The following NNMT variants were observed in gnomAD, a reference collection of about 807,000 sequenced individuals.
The protein encoded by NNMT is nicotinamide N-methyltransferase.
A neutral mutation model predicts 11.7 loss-of-function variants in NNMT; 10 were observed. The observed-to-expected ratio is 0.85, with a 90% CI of 0.53 to 1.45. NNMT has a LOEUF of 1.45. NNMT is among the 40% of genes most tolerant of loss of function. The pLI, the probability that NNMT is intolerant of heterozygous loss-of-function variation, is 0.00. For missense variants in NNMT, 381 were observed against 319.4 expected (o/e 1.19, Z -1.47); for synonymous variants, 143 against 133.8 (o/e 1.07, Z -0.48).
At chr11:114,275,330 T>A (rs894202805) in intron 2 of NNMT, among the ~76,000 whole-genome samples, 2 of 152,190 alleles carry the variant, frequency 1.3e-5, no homozygotes, top group African/African-American at 4.8e-5. Context: ...CTCAACAACA[T>A]CTACCAAGCT....
intron 2 of NNMT, among the ~76,000 whole-genome samples, chr11:114,278,460 CT>C (rs1038743941): frequency 6.6e-6 from 1 of 152,132 alleles, no homozygotes; most frequent in Non-Finnish European, 1.5e-5. Flanking sequence ...AGAATGTTCT[CT>C]TTGTACTTAG....
At chr11:114,310,720 G>T (rs1460579397) in intron 2 of NNMT, among the ~76,000 whole-genome samples, 1 of 152,186 alleles carries the variant, frequency 6.6e-6, no homozygotes, top group African/African-American at 2.4e-5. Flanking sequence ...TGCTTTGCTG[G>T]TTAACTCCTT....
At chr11:114,268,378 C>T (rs1299298173) in intron 2 of NNMT, among the ~76,000 whole-genome samples, 1 of 152,154 alleles carries the variant, frequency 6.6e-6, no homozygotes, top group Non-Finnish European at 1.5e-5. Flanking sequence ...CTTTATCTTG[C>T]ATCCTCTGGA....
upstream of NNMT, among the ~76,000 whole-genome samples, chr11:114,294,681 C>T (rs1342192808): frequency 6.6e-6 from 1 of 151,798 alleles, no homozygotes; most frequent in African/African-American, 2.4e-5. Flanking sequence ...GTATTGCAGG[C>T]CTCTATCAGA....
At chr11:114,286,978 T>G (rs1351490844) in intron 2 of NNMT, among the ~76,000 whole-genome samples, 1 of 152,240 alleles carries the variant, frequency 6.6e-6, no homozygotes, top group East Asian at 1.9e-4. Flanking sequence ...TATCTCATTG[T>G]GGTTTAATTT....
chr11:114,264,049 C>T (rs1329788264), intron 2 of NNMT, among the ~76,000 whole-genome samples: 1 of 152,122 alleles, frequency 6.6e-6, no homozygotes, highest in Admixed American at 6.5e-5. Context: ...TGTCCATCCT[C>T]TTATTAAAAG....
chr11:114,283,535 CAT>C (rs1350343737), intron 2 of NNMT, among the ~76,000 whole-genome samples: 2 of 152,264 alleles, frequency 1.3e-5, no homozygotes, highest in African/African-American at 2.4e-5. Context: ...AAAATATAAT[CAT>C]ATGAGTGAAT....
intron 1 of NNMT, among the ~76,000 whole-genome samples, chr11:114,258,625 C>A (rs774470479): frequency 1.3e-4 from 20 of 152,216 alleles, no homozygotes; most frequent in Non-Finnish European, 2.1e-4. Context: ...CTGCCCAGAG[C>A]GATTTTCCAA....
intron 2 of NNMT, among the ~76,000 whole-genome samples, chr11:114,273,119 A>C (rs1047248825): frequency 1.3e-5 from 2 of 152,170 alleles, no homozygotes; most frequent in Admixed American, 6.5e-5. Flanking sequence ...AAAATTGTTC[A>C]TAATTTGTGT....
chr11:114,278,854 A>T (rs1945236590), intron 2 of NNMT, among the ~76,000 whole-genome samples: 1 of 152,146 alleles, frequency 6.6e-6, no homozygotes, highest in Non-Finnish European at 1.5e-5. Context: ...CTCCAAGTGT[A>T]CACAGGAGTG....
At chr11:114,258,912 A>C (rs1945052152) in intron 1 of NNMT, among the ~76,000 whole-genome samples, 1 of 152,096 alleles carries the variant, frequency 6.6e-6, no homozygotes. Context: ...GAGCTACGCA[A>C]ACACACACAC....
intron 1 of NNMT, 25 bp downstream of exon 1, chr11:114,296,735 C>T: frequency 6.2e-7 from 1 of 1,611,942 alleles, no homozygotes; most frequent in East Asian, 2.2e-5. Context: ...TGCATGTCTC[C>T]CCACTAATGT....
Position 114,259,356 on chromosome 11 carries a change from G to GT in NNMT, c.-217+1478_-217+1479insT, listed in dbSNP as rs1390422388. Among the ~76,000 whole-genome samples, 4 of 150,624 alleles carry GT rather than the reference G, an allele frequency of 2.7e-5. 1 individual carries two copies. The highest frequency in any genetic ancestry group is 7.5e-5 in the African/African-American group (3 of 40,266). Reference sequence around the variant, plus strand: ...ACACGCAGAGGCCCAGTGGGGGGGGGGGAGCTCCTGCATCCCCACACCTGT... The same window carrying GT: ...ACACGCAGAGGCCCAGTGGGGGGGGGTGGAGCTCCTGCATCCCCACACCTGT... On this transcript the variant is annotated intron_variant, in intron 1 of 4. Coordinates refer to the NNMT transcript ENST00000535401.
intron 2 of NNMT, among the ~76,000 whole-genome samples, chr11:114,310,111 C>T (rs1487421273): frequency 1.3e-5 from 2 of 152,156 alleles, no homozygotes; most frequent in African/African-American, 2.4e-5. Flanking sequence ...TTTCATTTCT[C>T]TTGGGTATAT....
chr11:114,294,101 A>G (rs558733177), upstream of NNMT, among the ~76,000 whole-genome samples: 1 of 152,250 alleles, frequency 6.6e-6, no homozygotes, highest in Admixed American at 6.5e-5. Context: ...CTGAACTCAC[A>G]GAGATAGAGA....
chr11:114,264,260 TG>T (rs1217476006), intron 2 of NNMT, among the ~76,000 whole-genome samples: 2 of 152,070 alleles, frequency 1.3e-5, no homozygotes, highest in Non-Finnish European at 2.9e-5. Context: ...CTCTCTTCCT[TG>T]GAAGAGCAAA....
chr11:114,310,185 C>G (rs1343147785), intron 2 of NNMT, among the ~76,000 whole-genome samples: 4 of 152,222 alleles, frequency 2.6e-5, no homozygotes, highest in Non-Finnish European at 5.9e-5. Flanking sequence ...AACTGCCAGA[C>G]TGTTTTCCAA....
At position 114,296,469 on chromosome 11, in the gene NNMT, C is replaced by G; in HGVS notation, c.-88C>G. The G allele has an allele frequency of 7.0e-7, 1 of 1,435,254 alleles. No individual in the cohort carries two copies. Among genetic ancestry groups the G allele is most frequent in the Non-Finnish European group, 9.5e-7 (1 of 1,051,824 alleles). 88.9% of individuals were successfully genotyped at this position (1,435,254 alleles called of 1,614,324 possible). On this transcript the variant is annotated 5_prime_UTR_variant, in exon 1 of 3. Coordinates refer to ENST00000299964, the MANE Select transcript of NNMT (RefSeq NM_006169.3). Reference sequence around the variant, plus strand: ...GAAGGAATGCTGTTAGCCTGAGACTCAGGAAGACAACTTCTGCAGGGTCAC... The same window carrying G: ...GAAGGAATGCTGTTAGCCTGAGACTGAGGAAGACAACTTCTGCAGGGTCAC...
At chr11:114,285,657 G>A (rs1358114469) in intron 2 of NNMT, among the ~76,000 whole-genome samples, 1 of 152,222 alleles carries the variant, frequency 6.6e-6, no homozygotes, top group Admixed American at 6.5e-5. Flanking sequence ...TCCAGGAGTT[G>A]CTTAATTTGG....
Sources: gnomAD v4.1 joint callset for allele counts (sites outside exome capture counted in the v4.1 genomes callset) on GRCh38, gnomAD v4.1.1 for gene constraint, MANE v1.5 for transcripts, NCBI Gene and HGNC (gene_info 2026-07-23, HGNC 2026-07-21) for gene names.